The following NFATC3 variants were observed in gnomAD, a reference collection of about 807,000 sequenced individuals.
NFATC3 encodes the protein nuclear factor of activated T-cells, cytoplasmic 3.
NFATC3 carries 46 observed loss-of-function variants against 98.6 expected under a neutral mutation model. The observed-to-expected ratio is 0.47, with a 90% confidence interval of 0.37 to 0.60. The LOEUF (loss-of-function observed/expected upper bound fraction) is 0.60. Among genes scored for constraint, NFATC3 ranks in the 20% least tolerant of loss-of-function variants. The pLI, the probability that NFATC3 is intolerant of heterozygous loss-of-function variation, is 0.00. For synonymous variants in NFATC3, 512 were observed against 472.2 expected, an observed-to-expected ratio of 1.08 and a Z score of -1.09; for missense variants, 1,256 against 1,295.5, an observed-to-expected ratio of 0.97 and a Z score of 0.47.
intron 8 of NFATC3, among the ~76,000 whole-genome samples, chr16:68,184,758 C>T (rs989412029): frequency 5.9e-5 from 9 of 151,900 alleles, no homozygotes; most frequent in African/African-American, 9.7e-5. Context: ...GAGCCAAGAT[C>T]GCGCCACTGC....
At chr16:68,127,785 A>G (rs758707814) in intron 3 of NFATC3, among the ~76,000 whole-genome samples, 1 of 152,074 alleles carries the variant, frequency 6.6e-6, no homozygotes, top group Non-Finnish European at 1.5e-5. Flanking sequence ...TCAGATTTAG[A>G]TGGCATAGAT....
In NFATC3 at chr16:68,191,626, T is replaced by C. The variant is rs758572113; in HGVS notation, c.2957T>C (p.Leu986Pro). The stretch of plus-strand genomic sequence containing the variant: ...GCACAAAGTACGGGCCAGGGGGGTC[T>C]TTCTGCACCTTCATCCTTAATATGT... Reference protein sequence around the residue: ...TQAQSTGQGGLSAPSSLICHS... With the variant: ...TQAQSTGQGGPSAPSSLICHS... Residue 986 changes from leucine to proline, a missense_variant, in exon 9 of 10, where the codon CTT (leucine) becomes CCT (proline). Leu to Pro is a moderately conservative substitution (Grantham distance 98, BLOSUM62 -3). Around this residue, in one of 3 missense-constraint regions of NFATC3, gnomAD observed 636 missense variants for 617.3 expected, o/e 1.03. Transcript: ENST00000346183. 1.2e-6 allele frequency: 2 copies of C among 1,614,176 alleles called. No homozygotes were observed. The highest frequency in any genetic ancestry group is 1.7e-6 in the Non-Finnish European group (2 of 1,180,030).
intron 3 of NFATC3, among the ~76,000 whole-genome samples, chr16:68,132,013 A>G (rs2037137802): frequency 1.3e-5 from 2 of 152,176 alleles, no homozygotes. Context: ...AATATGTTGG[A>G]ATATAGAGAA....
intron 1 of NFATC3, 169 bp downstream of exon 1, chr16:68,085,953 T>C: frequency 4.1e-6 from 2 of 487,770 alleles, no homozygotes; most frequent in Non-Finnish European, 7.0e-6. Context: ...TGAGGAGGCG[T>C]GTGGGTCGCT....
At chr16:68,112,637 T>C (rs2036022689) in intron 1 of NFATC3, among the ~76,000 whole-genome samples, 1 of 148,222 alleles carries the variant, frequency 6.7e-6, no homozygotes, top group Non-Finnish European at 1.5e-5. Flanking sequence ...TTTTCATTTT[T>C]TCTTTTTCGT....
chr16:68,122,420 A>T lies in NFATC3; in HGVS notation c.537A>T (p.Ala179=). The T allele has an allele frequency of 6.2e-7, 1 of 1,614,086 alleles. No homozygotes were observed. The highest frequency in any genetic ancestry group is 8.5e-7 in the Non-Finnish European group (1 of 1,180,010). Reference sequence around the variant, plus strand: ...CTTCTAGGAGTTGGTTCTCTGATGCATCTTCTTGTGAATCGCTTTCACATA... The same window carrying T: ...CTTCTAGGAGTTGGTTCTCTGATGCTTCTTCTTGTGAATCGCTTTCACATA... The part of the protein sequence containing the change: ...SISSRSWFSD[A]SSCESLSHIY... The change falls in exon 2 of 10, where the codon GCA becomes GCT. Residue 179 remains alanine (A), a synonymous_variant. Transcript: ENST00000346183.
At position 68,207,642 on chromosome 16, in the gene NFATC3, TTA is replaced by T. The variant is rs1428235094; in HGVS notation, c.3106+15868_3106+15869del. ...TCACGCCCAGCTAATTTTTGTATTT[TTA>T]GTAAAAACGGGGTTTCACCATGTTG... is the stretch of plus-strand genomic sequence containing the variant. On this transcript the variant is annotated intron_variant, in intron 9 of 9. Transcript: ENST00000346183. Among the ~76,000 whole-genome samples the T allele has an allele frequency of 7.0e-4, 106 of 152,230 alleles. 2 individuals are homozygous for T. Among genetic ancestry groups the T allele is most frequent in the Non-Finnish European group, 2.4e-4 (16 of 68,014 alleles).
At chr16:68,156,831 C>T (rs926967074) in intron 3 of NFATC3, among the ~76,000 whole-genome samples, 6 of 152,066 alleles carry the variant, frequency 3.9e-5, no homozygotes, top group African/African-American at 9.6e-5. Context: ...CCCAGCTACT[C>T]GGGAGGCTGA....
chr16:68,136,264 CT>C (rs1281264231), intron 3 of NFATC3, among the ~76,000 whole-genome samples: 7 of 151,210 alleles, frequency 4.6e-5, no homozygotes, highest in Admixed American at 3.3e-4. Context: ...CCAGAGTTTA[CT>C]TTTTTTTTCT....
chr16:68,174,980 A>G (rs992012838), intron 6 of NFATC3, among the ~76,000 whole-genome samples: 3 of 152,278 alleles, frequency 2.0e-5, no homozygotes, highest in African/African-American at 7.2e-5. Flanking sequence ...ACAAATATTT[A>G]TAGCAACTTT....
At chr16:68,223,262 A>G (rs1001877583) in intron 9 of NFATC3, among the ~76,000 whole-genome samples, 1 of 152,208 alleles carries the variant, frequency 6.6e-6, no homozygotes, top group Admixed American at 6.5e-5. Flanking sequence ...CAGGTCAGGC[A>G]CAATGGCTCA....
chr16:68,209,272 C>T (rs964196776), intron 9 of NFATC3, among the ~76,000 whole-genome samples: 4 of 151,852 alleles, frequency 2.6e-5, no homozygotes, highest in Admixed American at 6.6e-5. Context: ...GAGGCTGAGG[C>T]GGGCAGATAG....
At chr16:68,136,393 C>T (rs1398939496) in intron 3 of NFATC3, among the ~76,000 whole-genome samples, 1 of 152,054 alleles carries the variant, frequency 6.6e-6, no homozygotes, top group Non-Finnish European at 1.5e-5. Context: ...CTCAACTTCT[C>T]CCGTGGCTGG....
intron 1 of NFATC3, among the ~76,000 whole-genome samples, chr16:68,092,030 G>T (rs754196625): frequency 2.6e-5 from 4 of 152,188 alleles, no homozygotes; most frequent in Non-Finnish European, 5.9e-5. Flanking sequence ...TAATGTTTAC[G>T]TAATTATATT....
At chr16:68,141,274 G>T (rs1455603759) in intron 3 of NFATC3, among the ~76,000 whole-genome samples, 1 of 152,190 alleles carries the variant, frequency 6.6e-6, no homozygotes, top group Non-Finnish European at 1.5e-5. Flanking sequence ...ATGTATGTAT[G>T]CAGGTGTCTT....
intron 3 of NFATC3, among the ~76,000 whole-genome samples, chr16:68,139,996 T>TTTA (rs577056579): frequency 1.3e-5 from 2 of 152,118 alleles, no homozygotes; most frequent in African/African-American, 4.8e-5. Context: ...TTTTTAAATT[T>TTTA]TTATTATTAT....
intron 3 of NFATC3, among the ~76,000 whole-genome samples, chr16:68,133,956 C>T (rs1373781418): frequency 6.6e-6 from 1 of 151,750 alleles, no homozygotes; most frequent in Non-Finnish European, 1.5e-5. Context: ...AGTGTAGTTA[C>T]TGATTTTCCA....
rs192251018 is a variant in NFATC3 at position 68,120,477 on chromosome 16, G to A, written c.104-1510G>A. 3.9e-3 allele frequency among the ~76,000 whole-genome samples: 587 copies of A among 151,448 alleles called. 6 individuals carry two copies. Among genetic ancestry groups the A allele is most frequent in the African/African-American group, 0.014 (574 of 41,166 alleles). On this transcript the variant is annotated intron_variant, in intron 1 of 9. Transcript: ENST00000346183. ...ACCTGTAATTCCAGCTACTTGGGAG[G>A]CTGAGGCTTGAGAATCGCCTGAACT...
intron 3 of NFATC3, among the ~76,000 whole-genome samples, chr16:68,138,195 C>T (rs979470835): frequency 1.3e-5 from 2 of 151,724 alleles, no homozygotes; most frequent in African/African-American, 4.8e-5. Context: ...ACCAACACAC[C>T]CACCCAGTTA....
Sources: gnomAD v4.1 joint callset for allele counts (sites outside exome capture counted in the v4.1 genomes callset) on GRCh38, gnomAD v4.1.1 for gene constraint, gnomAD v4.1.1 regional missense constraint, MANE v1.5 for transcripts, NCBI Gene and HGNC (gene_info 2026-07-23, HGNC 2026-07-21) for gene names.